Variants in MTMR12 observed in about 807,000 individuals in gnomAD.
The protein encoded by MTMR12 is myotubularin-related protein 12.
MTMR12 carries 33 observed loss-of-function variants against 96.7 expected under a neutral mutation model. That is an observed-to-expected ratio of 0.34 (90% confidence interval 0.26 to 0.46). The LOEUF is 0.46. Among genes scored for constraint, MTMR12 ranks in the 20% least tolerant of loss-of-function variants. MTMR12 has a pLI of 1.00. For synonymous variants in MTMR12, 298 were observed against 327.2 expected, an observed-to-expected ratio of 0.91 and a Z score of 0.96; for missense variants, 721 against 896.1, an observed-to-expected ratio of 0.80 and a Z score of 2.49.
chr5:32,302,659 G>A lies in MTMR12; in HGVS notation c.81+10099C>T, dbSNP rs1274932311. The stretch of plus-strand genomic sequence containing the variant: ...TTGAACCCGGCAGGCGGAGGTTGCA[G>A]TGAGCCAAGATCATGCCAATGCACT... On this transcript the variant is annotated intron_variant, in intron 1 of 15. Transcript: ENST00000382142. Among the ~76,000 whole-genome samples, 4 of 151,804 alleles carry A rather than the reference G, an allele frequency of 2.6e-5. No individual in the cohort carries two copies. The East Asian group carries it at 7.7e-4, about 29-fold the overall frequency.
chr5:32,306,169 G>A (rs1751356916), intron 1 of MTMR12, among the ~76,000 whole-genome samples: 2 of 152,064 alleles, frequency 1.3e-5, no homozygotes, highest in African/African-American at 4.8e-5. Flanking sequence ...ATTCATAAAT[G>A]TAAGAATAAG....
chr5:32,227,661 A>G lies in MTMR12; in HGVS notation c.*2117T>C, dbSNP rs1581579611. 3 of 152,780 alleles carry G rather than the reference A, an allele frequency of 2.0e-5. No homozygotes were observed. The East Asian group carries it at 5.8e-4, about 29-fold the overall frequency. The allele number at this position is 152,780 out of a possible 1,614,324, so 9.5% of individuals were successfully genotyped here. On this transcript the variant is annotated 3_prime_UTR_variant, in exon 16 of 16. Coordinates refer to ENST00000382142, the MANE Select transcript of MTMR12 (RefSeq NM_001040446.3). ...GTGGTAACAAAAATAGCTCCATAGC[A>G]TATTTGGGAGGCAATGGGGCAGAGA...
Position 32,273,964 on chromosome 5 carries a change from T to G in MTMR12, c.285+16A>C, listed in dbSNP as rs368070682. 1.2e-6 allele frequency: 2 copies of G among 1,613,504 alleles called. No individual in the cohort carries two copies. Among genetic ancestry groups the G allele is most frequent in the Non-Finnish European group, 1.7e-6 (2 of 1,179,766 alleles). On this transcript the variant is annotated intron_variant, in intron 3 of 15. Coordinates refer to ENST00000382142, the MANE Select transcript of MTMR12 (RefSeq NM_001040446.3). ...ACTGTTGCCCACAAACTCTGCCAAA[T>G]GCAGCCCATACATACATCATTATCC...
chr5:32,291,338 G>A (rs1324603217), intron 1 of MTMR12, among the ~76,000 whole-genome samples: 2 of 152,244 alleles, frequency 1.3e-5, no homozygotes, highest in African/African-American at 4.8e-5. Flanking sequence ...ACCTGGTTGT[G>A]CATTTTGCAT....
At chr5:32,266,938 G>T (rs1749622513) in intron 6 of MTMR12, among the ~76,000 whole-genome samples, 1 of 149,710 alleles carries the variant, frequency 6.7e-6, no homozygotes, top group Non-Finnish European at 1.5e-5. Context: ...AAATTAGCTG[G>T]GCATGGTGGC....
chr5:32,267,377 G>GAAAAAAAAAAAAAAA (rs751223074), intron 6 of MTMR12, among the ~76,000 whole-genome samples: 2 of 89,938 alleles, frequency 2.2e-5, no homozygotes, highest in African/African-American at 4.5e-5. Context: ...CTCCATCTCA[G>GAAAAAAAAAAAAAAA]AAAAAAAAAA....
intron 1 of MTMR12, among the ~76,000 whole-genome samples, chr5:32,282,956 C>A (rs1750363900): frequency 6.6e-6 from 1 of 152,196 alleles, no homozygotes; most frequent in Non-Finnish European, 1.5e-5. Flanking sequence ...TTGTTGATCA[C>A]AGGAGAATGA....
Position 32,312,291 on chromosome 5 carries a change from G to T in MTMR12, c.81+467C>A, listed in dbSNP as rs564740194. Among the ~76,000 whole-genome samples the T allele has an allele frequency of 2.2e-4, 33 of 152,262 alleles. No homozygotes were observed. The East Asian group carries it at 6.0e-3, about 28-fold the overall frequency. ...GGCGGACGTAGGTGCAGGGCATCCC[G>T]CCAGCCGCACCCGAGGCACTCAGAC... On this transcript the variant is annotated intron_variant, in intron 1 of 15. Transcript: ENST00000382142. This position sits in a 1 kb window ranked among gnomAD's most constrained non-coding sequence, Gnocchi z 5.0.
In MTMR12 at chr5:32,294,469, A is replaced by AT. The variant is rs201717350; in HGVS notation, c.82-17728dup. On this transcript the variant is annotated intron_variant, in intron 1 of 15. Transcript: ENST00000382142. ...TGGTGCCCACCATCACATCTGGTTA[A>AT]TTTTTTTTTTTAGTAGAGACAGGGT... 7.8e-3 allele frequency among the ~76,000 whole-genome samples: 1,150 copies of AT among 146,858 alleles called. 18 individuals are homozygous for AT. The highest frequency in any genetic ancestry group is 0.027 in the African/African-American group (1,089 of 40,170).
At position 32,228,752 on chromosome 5, in the gene MTMR12, A is replaced by G. The variant is rs1747872848; in HGVS notation, c.*1026T>C. The stretch of plus-strand genomic sequence containing the variant: ...TCATATGATAATCATCACTTCTGAT[A>G]TTTATGTTTAAGCTGCTTTCCTATG... On this transcript the variant is annotated 3_prime_UTR_variant, in exon 16 of 16. Coordinates refer to ENST00000382142, the MANE Select transcript of MTMR12 (RefSeq NM_001040446.3). 6.6e-6 allele frequency: 1 copy of G among 151,560 alleles called. No homozygotes were observed. The highest frequency in any genetic ancestry group is 2.1e-4 in the South Asian group (1 of 4,800). The allele number at this position is 151,560 out of a possible 1,614,324, so 9.4% of individuals were successfully genotyped here.
At chr5:32,235,185 G>A (rs1264798992) in intron 13 of MTMR12, 56 bp from the exon 14 acceptor site, 1 of 1,527,220 alleles carries the variant, frequency 6.5e-7, no homozygotes, top group East Asian at 2.3e-5. Flanking sequence ...AAGCCATCCT[G>A]AGTTCAGGGG....
chr5:32,229,598 C>T lies in MTMR12; in HGVS notation c.*180G>A, dbSNP rs1418701108. 1 of 489,692 alleles carries T rather than the reference C, an allele frequency of 2.0e-6. No homozygotes were observed. The highest frequency in any genetic ancestry group is 3.4e-5 in the East Asian group (1 of 29,784). 30.3% of individuals were successfully genotyped at this position (489,692 alleles called of 1,614,324 possible). A position where few individuals can be genotyped will look rare whatever the true frequency, so the allele number is the denominator to read the frequency against. ...AATACTACAGATGCGGTTTTAATTG[C>T]ATAGTCTTTTAGAATCATGAAAAAT... On this transcript the variant is annotated 3_prime_UTR_variant, in exon 16 of 16. Transcript: ENST00000382142.
intron 12 of MTMR12, among the ~76,000 whole-genome samples, chr5:32,241,414 T>C (rs1230045477): frequency 6.6e-6 from 1 of 152,192 alleles, no homozygotes; most frequent in African/African-American, 2.4e-5. Context: ...TTTCAGAGAA[T>C]GATAAAAGCT....
rs548654471 is a variant in MTMR12 at position 32,231,381 on chromosome 5, C to CAA, written c.1675-1036_1675-1035dup. Among the ~76,000 whole-genome samples, 62 of 47,178 alleles carry CAA rather than the reference C, an allele frequency of 1.3e-3. No homozygotes were observed. The East Asian group carries it at 0.031, about 24-fold the overall frequency. The allele number at this position is 47,178 out of a possible 152,430, so 31.0% of individuals were successfully genotyped here. A position where few individuals can be genotyped will look rare whatever the true frequency, so the allele number is the denominator to read the frequency against. On this transcript the variant is annotated intron_variant, in intron 15 of 15. Transcript: ENST00000382142. ...GCAATGACAGCAAAACTCTGGCTCG[C>CAA]AAAAAAAAAAAAAAAAAAAGGGTTG... is the stretch of plus-strand genomic sequence containing the variant.
intron 1 of MTMR12, among the ~76,000 whole-genome samples, chr5:32,297,961 T>C (rs1750990697): frequency 6.6e-6 from 1 of 152,216 alleles, no homozygotes; most frequent in Non-Finnish European, 1.5e-5. Flanking sequence ...AAGAAATGGC[T>C]AGAGGCAGAG....
At position 32,270,891 on chromosome 5, in the gene MTMR12, G is replaced by T; in HGVS notation, c.415C>A (p.Leu139Ile). ...CGAAGGTCTTTGCAGTGGATGATGA[G>T]CTTCTCAGGGTATTTCTTCAGTTGT... ...FGQLKKYPEK[L>I]IIHCKDLRVF... Residue 139 changes from leucine (L) to isoleucine (I), a missense_variant, in exon 5 of 16, where the codon CTC (leucine) becomes ATC (isoleucine). Physicochemically the swap from Leu to Ile is conservative, Grantham distance 5. Transcript: ENST00000382142. 6.2e-7 allele frequency: 1 copy of T among 1,613,950 alleles called. No individual in the cohort carries two copies. Among genetic ancestry groups the T allele is most frequent in the Non-Finnish European group, 8.5e-7 (1 of 1,179,884 alleles).
chr5:32,259,554 A>G (rs1749275494), intron 7 of MTMR12, among the ~76,000 whole-genome samples: 1 of 152,240 alleles, frequency 6.6e-6, no homozygotes, highest in African/African-American at 2.4e-5. Flanking sequence ...CACTGAGGAC[A>G]TAACAATGGG....
chr5:32,287,222 TGTGA>T (rs972357742), intron 1 of MTMR12, among the ~76,000 whole-genome samples: 4 of 152,206 alleles, frequency 2.6e-5, no homozygotes, highest in African/African-American at 7.2e-5. Context: ...TGGGTGTGGC[TGTGA>T]GTGTTGCCAA....
At chr5:32,304,731 T>A (rs1751286458) in intron 1 of MTMR12, among the ~76,000 whole-genome samples, 1 of 152,190 alleles carries the variant, frequency 6.6e-6, no homozygotes, top group African/African-American at 2.4e-5. Context: ...CAGAAGTATG[T>A]GCTCTTAGAC....
Sources: gnomAD v4.1 joint callset for allele counts (sites outside exome capture counted in the v4.1 genomes callset) on GRCh38, gnomAD v4.1.1 for gene constraint, Gnocchi (gnomAD v3.1) non-coding constraint, MANE v1.5 for transcripts, NCBI Gene and HGNC (gene_info 2026-07-23, HGNC 2026-07-21) for gene names.